The following LRRC63 variants were observed in gnomAD, a reference collection of about 807,000 sequenced individuals.
LRRC63 encodes leucine rich repeat containing 63.
Under a neutral mutation model 49.5 loss-of-function variants are expected in LRRC63, and 40 were observed. The observed-to-expected ratio is 0.81, with a 90% CI of 0.63 to 1.05. The LOEUF (loss-of-function observed/expected upper bound fraction) is 1.05. Ranked by LOEUF, LRRC63 falls within the 50% of genes least tolerant of loss-of-function variation. The pLI, the probability that LRRC63 is intolerant of heterozygous loss-of-function variation, is 0.00. For synonymous variants in LRRC63, 191 were observed against 221.1 expected (o/e 0.86, Z 1.21); for missense variants, 636 against 663.1 (o/e 0.96, Z 0.45).
At chr13:46,273,330 G>A (rs1018809768) in intron 9 of LRRC63, among the ~76,000 whole-genome samples, 6 of 152,146 alleles carry the variant, frequency 3.9e-5, no homozygotes, top group African/African-American at 1.2e-4. Flanking sequence ...TGGACCGGGC[G>A]CGGTGGCTCA....
At chr13:46,258,092 T>C (rs2047545317) in intron 7 of LRRC63, among the ~76,000 whole-genome samples, 2 of 151,342 alleles carry the variant, frequency 1.3e-5, no homozygotes. Context: ...GTCCCATATA[T>C]GCTACAAACT....
intron 2 of LRRC63, among the ~76,000 whole-genome samples, chr13:46,222,031 C>G (rs531955711): frequency 6.6e-6 from 1 of 152,130 alleles, no homozygotes; most frequent in East Asian, 1.9e-4. Flanking sequence ...TATTTTTTAT[C>G]TTTTTAATAA....
chr13:46,276,651 T>G (rs745938317), exon 10 of LRRC63: 7 of 1,231,260 alleles, frequency 5.7e-6, no homozygotes. Context: ...TGTCATCCGA[T>G]CCTGTGATAT....
intron 5 of LRRC63, among the ~76,000 whole-genome samples, chr13:46,238,070 A>G (rs1007063095): frequency 6.6e-6 from 1 of 152,182 alleles, no homozygotes; most frequent in African/African-American, 2.4e-5. Flanking sequence ...GGCATTACAT[A>G]ATGTTAAGGG....
intron 7 of LRRC63, 81 bp downstream of exon 7, chr13:46,250,572 C>A: frequency 8.3e-7 from 1 of 1,199,814 alleles, no homozygotes; most frequent in Non-Finnish European, 1.1e-6. Context: ...TTCAAAGCAG[C>A]TAGCAGCTTT....
At chr13:46,258,668 C>T (rs1448928164) in intron 7 of LRRC63, among the ~76,000 whole-genome samples, 3 of 150,844 alleles carry the variant, frequency 2.0e-5, no homozygotes, top group African/African-American at 4.9e-5. Flanking sequence ...ATTAGCTGGG[C>T]ATGGTGGCGT....
chr13:46,276,826 GTGTATATA>G lies in LRRC63; in HGVS notation c.*25_*32del, dbSNP rs1221108327. On this transcript the variant is annotated 3_prime_UTR_variant, in exon 10 of 10. Transcript: ENST00000595396. The stretch of plus-strand genomic sequence containing the variant: ...TAGTACAATGATTTATCGTATGTGT[GTGTATATA>G]TATATATATATATATATTTATATAT... The G allele has an allele frequency of 8.3e-4, 137 of 165,320 alleles. 2 individuals carry two copies. Among genetic ancestry groups the G allele is most frequent in the Middle Eastern group, 4.4e-3 (2 of 456 alleles). 10.2% of individuals were successfully genotyped at this position (165,320 alleles called of 1,614,324 possible).
chr13:46,261,017 A>G (rs150578558), intron 7 of LRRC63, among the ~76,000 whole-genome samples: 18 of 148,670 alleles, frequency 1.2e-4, no homozygotes, highest in African/African-American at 4.4e-4. Context: ...ACTAGGGATT[A>G]TGATGACTAT....
chr13:46,258,798 ACT>A (rs963278227), intron 7 of LRRC63, among the ~76,000 whole-genome samples: 3 of 122,026 alleles, frequency 2.5e-5, no homozygotes, highest in African/African-American at 7.4e-5. Context: ...ACAGAGCAAG[ACT>A]CTGTCTCAAA....
At chr13:46,247,961 A>G (rs934657987) in intron 6 of LRRC63, among the ~76,000 whole-genome samples, 2 of 152,132 alleles carry the variant, frequency 1.3e-5, no homozygotes, top group African/African-American at 4.8e-5. Context: ...ACATATATGG[A>G]TATGATATAT....
chr13:46,250,716 T>C (rs1365458409), intron 7 of LRRC63, among the ~76,000 whole-genome samples: 2 of 151,976 alleles, frequency 1.3e-5, no homozygotes, highest in African/African-American at 2.4e-5. Flanking sequence ...AAACACGTTA[T>C]CTGAGTACGG....
chr13:46,237,241 T>C (rs1297103844), intron 5 of LRRC63, among the ~76,000 whole-genome samples: 1 of 152,136 alleles, frequency 6.6e-6, no homozygotes. Flanking sequence ...AAAGGATGAA[T>C]AAGAGAAGCA....
intron 9 of LRRC63, among the ~76,000 whole-genome samples, chr13:46,272,919 C>T (rs1285942750): frequency 6.6e-6 from 1 of 152,074 alleles, no homozygotes; most frequent in Non-Finnish European, 1.5e-5. Flanking sequence ...TATCTAGGAG[C>T]TGGAGGGGAC....
intron 8 of LRRC63, among the ~76,000 whole-genome samples, chr13:46,262,369 A>T (rs896426360): frequency 4.6e-5 from 7 of 152,176 alleles, no homozygotes; most frequent in African/African-American, 1.7e-4. Flanking sequence ...ACATTAATAA[A>T]AGTCTGAAGT....
At chr13:46,216,266 ATTTG>A (rs1438117075) in intron 2 of LRRC63, among the ~76,000 whole-genome samples, 3 of 152,118 alleles carry the variant, frequency 2.0e-5, no homozygotes, top group Non-Finnish European at 4.4e-5. Flanking sequence ...ATGTTTTTCC[ATTTG>A]TTTGTGTCCT....
chr13:46,232,067 G>A (rs932927326), intron 4 of LRRC63, among the ~76,000 whole-genome samples: 4 of 151,602 alleles, frequency 2.6e-5, no homozygotes, highest in Non-Finnish European at 4.4e-5. Context: ...CGCCGGCCTC[G>A]GCCTCCCAAA....
chr13:46,274,651 A>G (rs1235045458), intron 9 of LRRC63, among the ~76,000 whole-genome samples: 1 of 152,188 alleles, frequency 6.6e-6, no homozygotes, highest in Non-Finnish European at 1.5e-5. Flanking sequence ...CTCATGTTCC[A>G]CAGATTTTTA....
chr13:46,266,398 C>T (rs2047684658), intron 8 of LRRC63, among the ~76,000 whole-genome samples: 2 of 152,102 alleles, frequency 1.3e-5, no homozygotes, highest in Non-Finnish European at 1.5e-5. Context: ...AAAATATATT[C>T]TGTGTATCAT....
At chr13:46,215,263 T>A (rs1463465596) in intron 2 of LRRC63, among the ~76,000 whole-genome samples, 1 of 152,174 alleles carries the variant, frequency 6.6e-6, no homozygotes, top group Non-Finnish European at 1.5e-5. Context: ...TCCACAGCCT[T>A]GCCAGCATCT....
Sources: allele counts gnomAD v4.1 joint callset (sites outside exome capture counted in the v4.1 genomes callset), GRCh38; gene constraint gnomAD v4.1.1; transcripts MANE v1.5; gene names NCBI Gene and HGNC (gene_info 2026-07-23, HGNC 2026-07-21).